Variants in GRIA1 observed in about 807,000 individuals in gnomAD.
GRIA1 encodes glutamate receptor 1.
GRIA1 carries 31 observed loss-of-function variants against 99.2 expected under a neutral mutation model. The ratio of observed to expected loss-of-function variants is 0.31; its 90% CI spans 0.23 to 0.42. The LOEUF is 0.42. GRIA1 is among the 10% of genes least tolerant of loss of function. GRIA1 has a pLI of 1.00. For missense variants in GRIA1, 782 were observed against 1,157.5 expected, an observed-to-expected ratio of 0.68 and a Z score of 4.71; for synonymous variants, 438 against 432.4, an observed-to-expected ratio of 1.01 and a Z score of -0.16.
chr5:153,698,282 G>A (rs949640354), intron 9 of GRIA1, 128 bp downstream of exon 9: 24 of 525,462 alleles, frequency 4.6e-5, no homozygotes, highest in Non-Finnish European at 6.6e-5. Context: ...GCAGCAAGTC[G>A]AAAAGGGAAT....
intron 11 of GRIA1, among the ~76,000 whole-genome samples, chr5:153,759,988 A>C (rs1297754600): frequency 6.6e-6 from 1 of 152,142 alleles, no homozygotes; most frequent in East Asian, 1.9e-4. Context: ...ATTTAATAAA[A>C]TTCAGCAACC....
intron 2 of GRIA1, among the ~76,000 whole-genome samples, chr5:153,509,905 A>G (rs1479469464): frequency 6.6e-6 from 1 of 152,214 alleles, no homozygotes; most frequent in Non-Finnish European, 1.5e-5. Flanking sequence ...TTCATCAGAA[A>G]ATTCAATGTT....
In GRIA1 at chr5:153,723,283, C is replaced by G. The variant is rs138195728; in HGVS notation, c.1823+17216C>G. On this transcript the variant is annotated intron_variant, in intron 11 of 15. Transcript: ENST00000285900. ...AACAGCCAAGATGGCTGAATAGGAA[C>G]AGCTCCGGTCTACAGCTCCCAGCGT... 1.2e-3 allele frequency among the ~76,000 whole-genome samples: 176 copies of G among 152,310 alleles called. 4 individuals are homozygous for G. The East Asian group carries it at 0.033, about 29-fold the overall frequency.
chr5:153,694,055 G>A (rs188210704), intron 8 of GRIA1, among the ~76,000 whole-genome samples: 2 of 152,248 alleles, frequency 1.3e-5, no homozygotes, highest in East Asian at 3.9e-4. Flanking sequence ...AAATAAAATA[G>A]GTTTGTTTAC....
chr5:153,811,371 TGAAGAA>T lies in GRIA1; in HGVS notation c.*147_*152del. The T allele has an allele frequency of 1.6e-6, 1 of 625,446 alleles. No individual in the cohort carries two copies. Among genetic ancestry groups the T allele is most frequent in the Non-Finnish European group, 2.9e-6 (1 of 349,434 alleles). 38.7% of individuals were successfully genotyped at this position (625,446 alleles called of 1,614,324 possible). A position where few individuals can be genotyped will look rare whatever the true frequency, so the allele number is the denominator to read the frequency against. On this transcript the variant is annotated 3_prime_UTR_variant, in exon 16 of 16. Coordinates refer to ENST00000285900, the MANE Select transcript of GRIA1 (RefSeq NM_000827.4). ...AGAAGGATGATTCAACAGGTTTTCC[TGAAGAA>T]TTGAAAAACCATTTTGCTGTCCCTT...
At chr5:153,617,009 C>T (rs1209654811) in intron 2 of GRIA1, among the ~76,000 whole-genome samples, 1 of 152,186 alleles carries the variant, frequency 6.6e-6, no homozygotes, top group African/African-American at 2.4e-5. Flanking sequence ...ATAGCTGCTG[C>T]TGCTTGTCTT....
chr5:153,572,443 T>A (rs768533189), intron 2 of GRIA1, among the ~76,000 whole-genome samples: 6 of 152,200 alleles, frequency 3.9e-5, no homozygotes, highest in Non-Finnish European at 8.8e-5. Flanking sequence ...AGAGAGTTAC[T>A]TTACCTTTAG....
rs890741419 is a variant in GRIA1, at chr5:153,565,666, A to T, written c.220+71601A>T. On this transcript the variant is annotated intron_variant, in intron 2 of 15. Transcript: ENST00000285900. ...ACCTTCTATTTCTGTAGATTTGCCT[A>T]TTCTGACCATTTTCTATATATGAAA... Among the ~76,000 whole-genome samples, 4 of 152,210 alleles carry T rather than the reference A, an allele frequency of 2.6e-5. 1 individual carries two copies. The highest frequency in any genetic ancestry group is 3.4e-3 in the Middle Eastern group (1 of 294).
intron 11 of GRIA1, among the ~76,000 whole-genome samples, chr5:153,761,754 A>G (rs1763196052): frequency 6.6e-6 from 1 of 152,248 alleles, no homozygotes; most frequent in African/African-American, 2.4e-5. Flanking sequence ...TAACCAAAAT[A>G]TGGAATCAAC....
chr5:153,724,144 G>A (rs966735695), intron 11 of GRIA1, among the ~76,000 whole-genome samples: 4 of 152,214 alleles, frequency 2.6e-5, no homozygotes, highest in African/African-American at 2.4e-5. Flanking sequence ...AGGGTCTGGA[G>A]TGGTCCTCTA....
At chr5:153,500,250 A>G (rs766620590) in intron 2 of GRIA1, among the ~76,000 whole-genome samples, 2 of 152,078 alleles carry the variant, frequency 1.3e-5, no homozygotes, top group Non-Finnish European at 2.9e-5. Context: ...GCACATTTGG[A>G]AAACTGGTAA....
In GRIA1 at chr5:153,753,426, C is replaced by T. The variant is rs77575306; in HGVS notation, c.1824-11008C>T. Among the ~76,000 whole-genome samples the T allele has an allele frequency of 5.9e-3, 904 of 152,286 alleles. 4 individuals are homozygous for T. The highest frequency in any genetic ancestry group is 9.7e-3 in the Non-Finnish European group (659 of 68,012). On this transcript the variant is annotated intron_variant, in intron 11 of 15. Coordinates refer to ENST00000285900, the MANE Select transcript of GRIA1 (RefSeq NM_000827.4). ...CATGAGTTAAAGAAGTCCATGTCCA[C>T]CCATAAATGAATCAGAATTAGGTGA...
intron 13 of GRIA1, among the ~76,000 whole-genome samples, chr5:153,784,153 T>C (rs187865425): frequency 1.3e-5 from 2 of 152,250 alleles, no homozygotes; most frequent in Admixed American, 1.3e-4. Flanking sequence ...ATGGGAAAAC[T>C]GAGGTACAGT....
rs752123426 is a variant in GRIA1 at position 153,811,165 on chromosome 5, G to A, written c.2661G>A (p.Met887Ile). 1.9e-6 allele frequency: 3 copies of A among 1,614,146 alleles called. No individual in the cohort carries two copies. The highest frequency in any genetic ancestry group is 2.5e-6 in the Non-Finnish European group (3 of 1,180,012). ...TCAGCCATGACTTCCCCAAGTCCAT[G>A]CAATCGATTCCTTGCATGAGCCACA... ...RVVSHDFPKS[M>I]QSIPCMSHSS... is the part of the protein sequence containing the mutation. The change falls in exon 16 of 16, where the codon ATG becomes ATA. Residue 887 changes from methionine (M) to isoleucine (I), a missense_variant. Around this residue, in one of 5 missense-constraint regions of GRIA1, gnomAD observed 76 missense variants for 81.2 expected, o/e 0.94. Transcript: ENST00000285900.
chr5:153,677,998 G>A (rs1454581436), intron 7 of GRIA1, among the ~76,000 whole-genome samples: 1 of 152,194 alleles, frequency 6.6e-6, no homozygotes, highest in Non-Finnish European at 1.5e-5. Context: ...CGAAGGGACA[G>A]GGAGAGGATG....
intron 11 of GRIA1, among the ~76,000 whole-genome samples, chr5:153,761,316 T>C (rs1227514459): frequency 2.0e-5 from 3 of 151,926 alleles, no homozygotes; most frequent in Non-Finnish European, 2.9e-5. Flanking sequence ...AAGGACTCAA[T>C]AGCAAAAATG....
chr5:153,787,685 G>T (rs937862394), intron 13 of GRIA1, among the ~76,000 whole-genome samples: 2 of 152,108 alleles, frequency 1.3e-5, no homozygotes, highest in African/African-American at 4.8e-5. Flanking sequence ...TTGGCTGATG[G>T]TCCTCGCAGG....
At chr5:153,771,736 C>A (rs574748868) in intron 13 of GRIA1, among the ~76,000 whole-genome samples, 1 of 152,098 alleles carries the variant, frequency 6.6e-6, no homozygotes, top group Admixed American at 6.5e-5. Context: ...TTCCTAGGAT[C>A]AAAAAGAAAA....
At chr5:153,762,311 AC>A (rs1385937087) in intron 11 of GRIA1, among the ~76,000 whole-genome samples, 1 of 152,172 alleles carries the variant, frequency 6.6e-6, no homozygotes, top group Admixed American at 6.5e-5. Context: ...TCAGTTGAAA[AC>A]AAAATAAAAT....
Sources: allele counts gnomAD v4.1 joint callset (sites outside exome capture counted in the v4.1 genomes callset), GRCh38; gene constraint gnomAD v4.1.1; regional missense constraint gnomAD v4.1.1; transcripts MANE v1.5; gene names NCBI Gene and HGNC (gene_info 2026-07-23, HGNC 2026-07-21).